RELN: variants seen among roughly 807,000 people sequenced by gnomAD.
The protein encoded by RELN is reelin.
A neutral mutation model predicts 427.6 loss-of-function variants in RELN; 108 were observed. The ratio of observed to expected loss-of-function variants is 0.25; its 90% CI spans 0.22 to 0.30. RELN has a LOEUF of 0.30. Among genes scored for constraint, RELN ranks in the 10% least tolerant of loss-of-function variants. The pLI, the probability that RELN is intolerant of heterozygous loss-of-function variation, is 1.00. For synonymous variants in RELN, 1,524 were observed against 1,513.4 expected, an observed-to-expected ratio of 1.01 and a Z score of -0.16; for missense variants, 3,715 against 4,302.8, an observed-to-expected ratio of 0.86 and a Z score of 3.82.
intron 34 of RELN, among the ~76,000 whole-genome samples, chr7:103,562,297 T>C (rs1329273764): frequency 6.6e-6 from 1 of 152,224 alleles, no homozygotes; most frequent in Admixed American, 6.5e-5. Context: ...CAGACTCTTA[T>C]TGCTATTCAG....
Position 103,660,249 on chromosome 7 carries a change from C to T in RELN, c.1441+1127G>A, listed in dbSNP as rs144655350. On this transcript the variant is annotated intron_variant, in intron 12 of 64. Transcript: ENST00000428762. ...TTATTACAACTTTTTTGGAGGAGGG[C>T]TTAAGGTTTTCCAGGAATCCCTTTT... is the stretch of plus-strand genomic sequence containing the variant. Among the ~76,000 whole-genome samples, 33 of 152,088 alleles carry T rather than the reference C, an allele frequency of 2.2e-4. No individual in the cohort carries two copies. In the East Asian group the frequency reaches 6.4e-3, roughly 29 times the overall value.
chr7:103,988,743 TG>T lies in RELN; in HGVS notation c.226+387del. 6.6e-6 allele frequency among the ~76,000 whole-genome samples: 1 copy of T among 152,288 alleles called. No individual in the cohort carries two copies. The highest frequency in any genetic ancestry group is 2.1e-4 in the South Asian group (1 of 4,830). On this transcript the variant is annotated intron_variant, in intron 1 of 64. Transcript: ENST00000428762. This position sits in a 1 kb window ranked among gnomAD's most constrained non-coding sequence, Gnocchi z 4.9. Reference sequence around the variant, plus strand: ...CCCAACGCCCCCCCGGGGACCCATCTGGGGGGACCGGGAGCAGGACAAAGGT... The same window carrying T: ...CCCAACGCCCCCCCGGGGACCCATCTGGGGGACCGGGAGCAGGACAAAGGT...
rs921114544 is a variant in RELN, at chr7:103,953,988, G to A, written c.226+35143C>T. ...AAACAGGCGGGGCATAGTGGCTCAC[G>A]CCTGTAATCCTAACACTTTGGGAGG... On this transcript the variant is annotated intron_variant, in intron 1 of 64. Transcript: ENST00000428762. This position sits in a 1 kb window ranked among gnomAD's most constrained non-coding sequence, Gnocchi z 4.3. Among the ~76,000 whole-genome samples the A allele has an allele frequency of 1.3e-5, 2 of 150,416 alleles. No individual in the cohort carries two copies. Among genetic ancestry groups the A allele is most frequent in the African/African-American group, 2.5e-5 (1 of 40,798 alleles).
intron 24 of RELN, among the ~76,000 whole-genome samples, chr7:103,602,877 C>T (rs967329425): frequency 6.6e-6 from 1 of 152,070 alleles, no homozygotes; most frequent in African/African-American, 2.4e-5. Context: ...TGGAAACAGG[C>T]AATCTGGCTC....
chr7:103,539,785 T>A (rs1830138162), intron 44 of RELN, among the ~76,000 whole-genome samples: 1 of 152,248 alleles, frequency 6.6e-6, no homozygotes, highest in South Asian at 2.1e-4. Context: ...TTTGGAGCAG[T>A]CTATAAGGAT....
intron 19 of RELN, among the ~76,000 whole-genome samples, chr7:103,634,022 T>C (rs566699002): frequency 1.3e-5 from 2 of 152,316 alleles, no homozygotes; most frequent in East Asian, 3.9e-4. Flanking sequence ...TAAGTTATAA[T>C]AGATGTTAAT....
In RELN at chr7:103,542,678, T is replaced by C. The variant is rs188568068; in HGVS notation, c.6671+53A>G. Reference sequence around the variant, plus strand: ...GCTTCCTTCTGATTTGATTATGTTCTGCTATTATACATTACGATGTGGTTT... The same window carrying C: ...GCTTCCTTCTGATTTGATTATGTTCCGCTATTATACATTACGATGTGGTTT... On this transcript the variant is annotated intron_variant, in intron 43 of 64. Coordinates refer to ENST00000428762, the MANE Select transcript of RELN (RefSeq NM_005045.4). The C allele has an allele frequency of 4.5e-5, 72 of 1,591,162 alleles. No homozygotes were observed. The African/African-American group carries it at 8.5e-4, about 19-fold the overall frequency.
chr7:103,774,245 C>T (rs973733986), intron 4 of RELN, among the ~76,000 whole-genome samples: 7 of 149,234 alleles, frequency 4.7e-5, no homozygotes, highest in Admixed American at 3.4e-4. Context: ...TGTGGTTAGC[C>T]GAGATTACGT....
chr7:103,650,332 G>T lies in RELN; in HGVS notation c.1944C>A (p.Thr648=). 6.2e-7 allele frequency: 1 copy of T among 1,613,050 alleles called. No homozygotes were observed. Among genetic ancestry groups the T allele is most frequent in the Non-Finnish European group, 8.5e-7 (1 of 1,179,364 alleles). The part of the protein sequence containing the change: ...PLPNAALTRN[T]RIRWRQTGPI... The stretch of plus-strand genomic sequence containing the variant: ...GTCCTGTTTGTCTCCAGCGAATCCT[G>T]GTGTTCCGGGTTAGTGCTGCGTTAG... Residue 648 remains threonine (T), a synonymous_variant, in exon 16 of 65, where the codon ACC becomes ACA. Transcript: ENST00000428762.
At chr7:103,587,296 A>G (rs1034813410) in intron 28 of RELN, among the ~76,000 whole-genome samples, 8 of 152,230 alleles carry the variant, frequency 5.3e-5, no homozygotes, top group African/African-American at 1.9e-4. Context: ...ACCCTCTGCA[A>G]TAAATGGTGC....
At chr7:103,924,460 G>C (rs933446162) in intron 1 of RELN, among the ~76,000 whole-genome samples, 4 of 152,142 alleles carry the variant, frequency 2.6e-5, no homozygotes, top group African/African-American at 7.2e-5. Flanking sequence ...AGCAAGCGGA[G>C]AATGCCGTGC....
At chr7:103,597,812 G>C (rs1831573003) in intron 24 of RELN, among the ~76,000 whole-genome samples, 1 of 152,152 alleles carries the variant, frequency 6.6e-6, no homozygotes, top group Admixed American at 6.5e-5. Context: ...ACAGTCCTGT[G>C]GTGAGGTGTC....
intron 19 of RELN, among the ~76,000 whole-genome samples, chr7:103,631,170 G>A (rs894271242): frequency 1.3e-5 from 2 of 150,238 alleles, no homozygotes; most frequent in African/African-American, 4.9e-5. Context: ...AAACAGTACA[G>A]AACTGGTAGG....
intron 4 of RELN, among the ~76,000 whole-genome samples, chr7:103,770,748 T>G (rs1024493838): frequency 1.1e-4 from 16 of 151,938 alleles, no homozygotes; most frequent in Admixed American, 9.2e-4. Flanking sequence ...AAAGCCTCAA[T>G]TTTAAACTGC....
At position 103,515,314 on chromosome 7, in the gene RELN, C is replaced by A; in HGVS notation, c.7990G>T (p.Ala2664Ser). 6.2e-7 allele frequency: 1 copy of A among 1,614,118 alleles called. No homozygotes were observed. Among genetic ancestry groups the A allele is most frequent in the African/African-American group, 1.3e-5 (1 of 75,060 alleles). The change falls in exon 50 of 65, where the codon GCT becomes TCT. Residue 2664 changes from alanine (A) to serine (S), a missense_variant. Around this residue, in one of 4 missense-constraint regions of RELN, gnomAD observed 1,310 missense variants for 1,643.0 expected, o/e 0.80. Coordinates refer to ENST00000428762, the MANE Select transcript of RELN (RefSeq NM_005045.4). ...TCCAGCATAACGGTCCTTTGGTCAG[C>A]AGAGCCTGAGATGAGGACATTGTCA... Reference protein sequence around the residue: ...AIDNVLISGSADQRTVMLDTF... With the variant: ...AIDNVLISGSSDQRTVMLDTF...
intron 7 of RELN, among the ~76,000 whole-genome samples, chr7:103,727,002 G>A (rs1162457787): frequency 6.6e-6 from 1 of 152,044 alleles, no homozygotes; most frequent in African/African-American, 2.4e-5. Flanking sequence ...TCTGAAGCTT[G>A]TATCTTTAAT....
chr7:103,678,474 C>T (rs1833585804), intron 11 of RELN, among the ~76,000 whole-genome samples: 1 of 152,188 alleles, frequency 6.6e-6, no homozygotes, highest in Non-Finnish European at 1.5e-5. Flanking sequence ...AACCTATCAA[C>T]ACCGGATTTC....
chr7:103,596,206 G>A (rs1311989380), intron 25 of RELN, among the ~76,000 whole-genome samples: 1 of 152,138 alleles, frequency 6.6e-6, no homozygotes, highest in African/African-American at 2.4e-5. Flanking sequence ...AGTAAACAGT[G>A]GTTACGTATC....
intron 3 of RELN, among the ~76,000 whole-genome samples, chr7:103,800,177 G>T (rs1792411363): frequency 6.6e-6 from 1 of 152,162 alleles, no homozygotes; most frequent in Non-Finnish European, 1.5e-5. Flanking sequence ...TATTCAGTTA[G>T]GAGGAGAGGA....
Sources: allele counts gnomAD v4.1 joint callset (sites outside exome capture counted in the v4.1 genomes callset), GRCh38; gene constraint gnomAD v4.1.1; regional missense constraint gnomAD v4.1.1; non-coding constraint Gnocchi (gnomAD v3.1); transcripts MANE v1.5; gene names NCBI Gene and HGNC (gene_info 2026-07-23, HGNC 2026-07-21).